ATG5: variants seen among roughly 807,000 people sequenced by gnomAD.
The protein encoded by ATG5 is autophagy related 5.
A neutral mutation model predicts 36.5 loss-of-function variants in ATG5; 14 were observed. That is an observed-to-expected ratio of 0.38 (90% CI 0.25 to 0.60). ATG5 has a LOEUF of 0.60. Among genes scored for constraint, ATG5 ranks in the 20% least tolerant of loss-of-function variants. The probability of loss-of-function intolerance (pLI) is 0.60; values close to 1 mark genes in which losing one functional copy is unlikely to be tolerated. For synonymous variants in ATG5, 95 were observed against 101.5 expected (o/e 0.94, Z 0.38); for missense variants, 195 against 326.7 (o/e 0.60, Z 3.11).
At chr6:106,206,509 GCATAGT>G (rs1776640385) in intron 6 of ATG5, among the ~76,000 whole-genome samples, 1 of 152,230 alleles carries the variant, frequency 6.6e-6, no homozygotes, top group South Asian at 2.1e-4. Flanking sequence ...AATTAGCTGG[GCATAGT>G]TGTGGGCGCC....
At chr6:106,223,474 T>A (rs951311250) in intron 6 of ATG5, among the ~76,000 whole-genome samples, 3 of 152,212 alleles carry the variant, frequency 2.0e-5, no homozygotes. Flanking sequence ...CTCAGCGTAG[T>A]AGATAGCTTA....
intron 5 of ATG5, among the ~76,000 whole-genome samples, chr6:106,271,203 G>A (rs1453965942): frequency 6.6e-6 from 1 of 152,086 alleles, no homozygotes; most frequent in Admixed American, 6.6e-5. Flanking sequence ...TTCCTCCTCA[G>A]TCACTACACC....
intron 1 of ATG5, among the ~76,000 whole-genome samples, chr6:106,325,001 A>C (rs1771235543): frequency 6.6e-6 from 1 of 152,206 alleles, no homozygotes; most frequent in Admixed American, 6.5e-5. Flanking sequence ...ATAGTTTCCT[A>C]GGTTCCTCAA....
chr6:106,219,618 T>C (rs759508745), intron 6 of ATG5, among the ~76,000 whole-genome samples: 3 of 152,172 alleles, frequency 2.0e-5, no homozygotes, highest in Non-Finnish European at 4.4e-5. Context: ...ATAGGTTATA[T>C]GCAAATACTA....
At chr6:106,293,256 A>C in intron 3 of ATG5, 150 bp from the exon 4 acceptor site, 1 of 662,014 alleles carries the variant, frequency 1.5e-6, no homozygotes, top group Non-Finnish European at 2.6e-6. Flanking sequence ...TTACGTGCCT[A>C]GGCTAGTATG....
At chr6:106,318,646 C>G (rs1770951388) in intron 1 of ATG5, among the ~76,000 whole-genome samples, 2 of 152,144 alleles carry the variant, frequency 1.3e-5, no homozygotes, top group South Asian at 4.1e-4. Context: ...GAAGAACTAA[C>G]TCAGCCAAGG....
chr6:106,289,742 C>G (rs1325010595), intron 4 of ATG5, among the ~76,000 whole-genome samples: 2 of 151,966 alleles, frequency 1.3e-5, no homozygotes, highest in African/African-American at 2.4e-5. Context: ...TGTATTTCCA[C>G]AAAAATCAAC....
intron 6 of ATG5, among the ~76,000 whole-genome samples, chr6:106,204,257 G>C (rs2114365669): frequency 6.6e-6 from 1 of 152,064 alleles, no homozygotes; most frequent in Non-Finnish European, 1.5e-5. Flanking sequence ...AAAATAAGTA[G>C]AAAAAATAAA....
chr6:106,200,975 C>G (rs535078894), intron 7 of ATG5, among the ~76,000 whole-genome samples: 3 of 152,130 alleles, frequency 2.0e-5, no homozygotes, highest in Non-Finnish European at 4.4e-5. Flanking sequence ...AGGCTCAAGT[C>G]GCTTATATAG....
At chr6:106,281,481 C>T (rs191135549) in intron 4 of ATG5, among the ~76,000 whole-genome samples, 1 of 152,280 alleles carries the variant, frequency 6.6e-6, no homozygotes. Context: ...TTTTGAGATT[C>T]ATTCCTGTTA....
chr6:106,297,761 CACACAT>C (rs1309333385), intron 3 of ATG5, among the ~76,000 whole-genome samples: 44 of 114,120 alleles, frequency 3.9e-4, no homozygotes, highest in East Asian at 2.8e-3. Flanking sequence ...CACACACACA[CACACAT>C]ATATATTTTA....
intron 6 of ATG5, among the ~76,000 whole-genome samples, chr6:106,227,619 C>T (rs1777497464): frequency 6.6e-6 from 1 of 152,142 alleles, no homozygotes; most frequent in Admixed American, 6.5e-5. Context: ...AAACTACATG[C>T]AGAAAAACTG....
intron 6 of ATG5, among the ~76,000 whole-genome samples, chr6:106,219,485 A>G (rs1173892111): frequency 6.6e-6 from 1 of 152,184 alleles, no homozygotes; most frequent in Non-Finnish European, 1.5e-5. Flanking sequence ...CCAAACATGT[A>G]CAGGCTTTTT....
rs1383232244 is a variant in ATG5 at position 106,185,763 on chromosome 6, A to G, written c.*777T>C. On this transcript the variant is annotated 3_prime_UTR_variant, in exon 8 of 8. Coordinates refer to ENST00000369076, the MANE Select transcript of ATG5 (RefSeq NM_004849.4). ...AAAGAACACAGGTTTTTTAATTGGC[A>G]GCAAGAAATTCTATGACAGCTTCTG... 1 of 152,386 alleles carries G rather than the reference A, an allele frequency of 6.6e-6. No homozygotes were observed. Among genetic ancestry groups the G allele is most frequent in the African/African-American group, 2.4e-5 (1 of 41,464 alleles). 9.4% of individuals were successfully genotyped at this position (152,386 alleles called of 1,614,324 possible). A position where few individuals can be genotyped will look rare whatever the true frequency, so the allele number is the denominator to read the frequency against.
chr6:106,207,531 T>C (rs994320029), intron 6 of ATG5, among the ~76,000 whole-genome samples: 1 of 149,502 alleles, frequency 6.7e-6, no homozygotes, highest in African/African-American at 2.5e-5. Context: ...AGAGACCTCA[T>C]CTCTTAAAAA....
chr6:106,284,214 C>A (rs745680616), intron 4 of ATG5, among the ~76,000 whole-genome samples: 2 of 152,140 alleles, frequency 1.3e-5, no homozygotes, highest in African/African-American at 4.8e-5. Context: ...AATAGAACTG[C>A]TGTGTAATGT....
chr6:106,309,916 T>C (rs1770588078), intron 2 of ATG5, among the ~76,000 whole-genome samples: 1 of 152,146 alleles, frequency 6.6e-6, no homozygotes, highest in Non-Finnish European at 1.5e-5. Context: ...TATTAACTTA[T>C]GGAGACAGTA....
At chr6:106,233,726 G>A (rs1441609450) in intron 6 of ATG5, among the ~76,000 whole-genome samples, 1 of 151,966 alleles carries the variant, frequency 6.6e-6, no homozygotes, top group Non-Finnish European at 1.5e-5. Flanking sequence ...ACTTGTGGCT[G>A]TCAGACAACC....
At chr6:106,241,098 A>T (rs1354721849) in intron 6 of ATG5, among the ~76,000 whole-genome samples, 1 of 152,228 alleles carries the variant, frequency 6.6e-6, no homozygotes, top group Admixed American at 6.5e-5. Flanking sequence ...GATTGCAGTG[A>T]GCCAAGATCA....
Sources: allele counts gnomAD v4.1 joint callset (sites outside exome capture counted in the v4.1 genomes callset), GRCh38; gene constraint gnomAD v4.1.1; transcripts MANE v1.5; gene names NCBI Gene and HGNC (gene_info 2026-07-23, HGNC 2026-07-21).